Variants in RNGTT observed in about 807,000 individuals in gnomAD.
RNGTT encodes the protein RNA guanylyltransferase and 5'-phosphatase.
A neutral mutation model predicts 79.3 loss-of-function variants in RNGTT; 33 were observed. The observed-to-expected ratio is 0.42, with a 90% confidence interval of 0.32 to 0.56. The LOEUF is 0.56. Ranked by LOEUF, RNGTT falls within the 20% of genes least tolerant of loss-of-function variation. The pLI, the probability that RNGTT is intolerant of heterozygous loss-of-function variation, is 0.17. For synonymous variants in RNGTT, 222 were observed against 235.9 expected, an observed-to-expected ratio of 0.94 and a Z score of 0.54; for missense variants, 497 against 739.1, an observed-to-expected ratio of 0.67 and a Z score of 3.80.
chr6:88,696,959 T>C (rs984141637), intron 13 of RNGTT, among the ~76,000 whole-genome samples: 1 of 152,224 alleles, frequency 6.6e-6, no homozygotes, highest in Non-Finnish European at 1.5e-5. Flanking sequence ...ATGTCACATG[T>C]TACCAGCTGT....
At chr6:88,895,983 A>T (rs1266967478) in intron 6 of RNGTT, among the ~76,000 whole-genome samples, 1 of 152,140 alleles carries the variant, frequency 6.6e-6, no homozygotes, top group Non-Finnish European at 1.5e-5. Context: ...CATTTTCTTG[A>T]ACACCCCGTA....
chr6:88,703,607 G>T (rs184644356), intron 13 of RNGTT, among the ~76,000 whole-genome samples: 1 of 152,138 alleles, frequency 6.6e-6, no homozygotes, highest in Non-Finnish European at 1.5e-5. Context: ...TGGGTGATGG[G>T]ATTGTCCATA....
At chr6:88,613,917 T>C (rs1582234348) in intron 15 of RNGTT, among the ~76,000 whole-genome samples, 1 of 152,250 alleles carries the variant, frequency 6.6e-6, no homozygotes. Flanking sequence ...CCTGATAATT[T>C]TGTCTTTTAC....
intron 6 of RNGTT, among the ~76,000 whole-genome samples, chr6:88,904,358 G>C (rs1322648475): frequency 1.3e-5 from 2 of 152,080 alleles, no homozygotes; most frequent in Middle Eastern, 3.2e-3. Context: ...GGATCACTTT[G>C]AGCTCAGGAG....
intron 13 of RNGTT, among the ~76,000 whole-genome samples, chr6:88,760,786 A>G (rs531014995): frequency 2.9e-4 from 44 of 152,116 alleles, no homozygotes; most frequent in Non-Finnish European, 2.8e-4. Context: ...ATATAAGAAC[A>G]GTTCTTCAAC....
chr6:88,675,324 T>C (rs1774828795), intron 14 of RNGTT, among the ~76,000 whole-genome samples: 1 of 152,190 alleles, frequency 6.6e-6, no homozygotes, highest in African/African-American at 2.4e-5. Context: ...CCCACTAAGA[T>C]AAGAAGCAAG....
chr6:88,772,609 C>T (rs1778725595), intron 12 of RNGTT, among the ~76,000 whole-genome samples: 1 of 136,838 alleles, frequency 7.3e-6, no homozygotes, highest in Non-Finnish European at 1.5e-5. Flanking sequence ...CTACAATGAA[C>T]TCAAACAAAT....
chr6:88,850,609 AAC>A (rs1554224018), intron 9 of RNGTT, among the ~76,000 whole-genome samples: 6 of 151,948 alleles, frequency 3.9e-5, no homozygotes, highest in African/African-American at 1.4e-4. Context: ...TTACAAAAAA[AAC>A]ACACTGATTT....
intron 11 of RNGTT, among the ~76,000 whole-genome samples, chr6:88,810,747 T>A (rs1780111754): frequency 6.6e-6 from 1 of 152,210 alleles, no homozygotes; most frequent in Non-Finnish European, 1.5e-5. Context: ...TATTCATGAG[T>A]TGCACTGGTA....
chr6:88,830,893 A>C (rs772613841), intron 11 of RNGTT, among the ~76,000 whole-genome samples: 2 of 152,358 alleles, frequency 1.3e-5, no homozygotes, highest in African/African-American at 4.8e-5. Flanking sequence ...ACCAGGAAGA[A>C]GTCAAATCCC....
chr6:88,677,155 T>C (rs1212233720), intron 14 of RNGTT, among the ~76,000 whole-genome samples: 1 of 152,180 alleles, frequency 6.6e-6, no homozygotes, highest in African/African-American at 2.4e-5. Flanking sequence ...AAAATAATTA[T>C]GCTGAGTGAA....
chr6:88,863,643 GCAACACTATGA>G (rs902898181), intron 8 of RNGTT, among the ~76,000 whole-genome samples: 2 of 152,062 alleles, frequency 1.3e-5, no homozygotes, highest in Non-Finnish European at 2.9e-5. Context: ...AATTTAAAAA[GCAACACTATGA>G]CAGAGTTTGG....
intron 12 of RNGTT, among the ~76,000 whole-genome samples, chr6:88,772,577 A>T (rs1212371842): frequency 2.6e-5 from 4 of 151,768 alleles, no homozygotes; most frequent in African/African-American, 9.7e-5. Context: ...TATTCATCTG[A>T]CAAAGGGCTA....
intron 8 of RNGTT, among the ~76,000 whole-genome samples, chr6:88,878,334 T>G (rs138082672): frequency 8.3e-4 from 126 of 152,194 alleles, no homozygotes; most frequent in African/African-American, 2.8e-3. Context: ...TGACCTGAAG[T>G]GATCCACCCA....
chr6:88,905,437 A>G (rs2127942956), intron 5 of RNGTT, among the ~76,000 whole-genome samples: 1 of 152,374 alleles, frequency 6.6e-6, no homozygotes, highest in Non-Finnish European at 1.5e-5. Flanking sequence ...GGTCAGAGCT[A>G]GAAAGTACAT....
At chr6:88,710,452 T>C (rs1003660642) in intron 13 of RNGTT, among the ~76,000 whole-genome samples, 1 of 152,198 alleles carries the variant, frequency 6.6e-6, no homozygotes, top group African/African-American at 2.4e-5. Context: ...AATTTAAAAA[T>C]GATATCTGCA....
At chr6:88,752,206 A>G (rs546552680) in intron 13 of RNGTT, among the ~76,000 whole-genome samples, 2 of 151,836 alleles carry the variant, frequency 1.3e-5, no homozygotes, top group African/African-American at 2.4e-5. Context: ...TTTAAACCAA[A>G]TTAAATGACT....
chr6:88,807,159 G>A (rs1005912178), intron 11 of RNGTT, among the ~76,000 whole-genome samples: 20 of 152,080 alleles, frequency 1.3e-4, no homozygotes, highest in African/African-American at 2.4e-4. Flanking sequence ...CCTGGGTGAC[G>A]GCATGATCTG....
chr6:88,886,236 G>A (rs1233217951), intron 8 of RNGTT, among the ~76,000 whole-genome samples: 1 of 152,174 alleles, frequency 6.6e-6, no homozygotes, highest in African/African-American at 2.4e-5. Flanking sequence ...AACCCAGCGG[G>A]CGGAGCCTGC....
Sources: gnomAD v4.1 joint callset for allele counts (sites outside exome capture counted in the v4.1 genomes callset) on GRCh38, gnomAD v4.1.1 for gene constraint, MANE v1.5 for transcripts, NCBI Gene and HGNC (gene_info 2026-07-23, HGNC 2026-07-21) for gene names.